The following CRYM variants were observed in gnomAD, a reference collection of about 807,000 sequenced individuals.
The protein encoded by CRYM is crystallin mu.
CRYM carries 18 observed loss-of-function variants against 32.9 expected under a neutral mutation model. The ratio of observed to expected loss-of-function variants is 0.55; its 90% CI spans 0.38 to 0.81. The LOEUF (loss-of-function observed/expected upper bound fraction) is 0.81. Among genes scored for constraint, CRYM ranks in the 30% least tolerant of loss-of-function variants. The probability of loss-of-function intolerance (pLI) is 0.00; values close to 1 mark genes in which losing one functional copy is unlikely to be tolerated. For missense variants in CRYM, 337 were observed against 393.5 expected (o/e 0.86, Z 1.21); for synonymous variants, 153 against 152.4 (o/e 1.00, Z -0.03).
intron 5 of CRYM, 146 bp downstream of exon 5, chr16:21,267,408 T>G: frequency 1.1e-6 from 1 of 880,304 alleles, no homozygotes; most frequent in South Asian, 1.4e-5. Flanking sequence ...AAATATTGTT[T>G]TTTTCAATCT....
rs546237033 is a variant in CRYM at position 21,269,729 on chromosome 16, T to C, written c.489+61A>G. ...AATAACCTGTGGTGCAGTGAAGCAG[T>C]ATAGACAGGTCAAGGACCACCCCCT... On this transcript the variant is annotated intron_variant, in intron 4 of 7. Transcript: ENST00000572914. The C allele has an allele frequency of 2.1e-4, 228 of 1,077,824 alleles. No homozygotes were observed. The African/African-American group carries it at 3.1e-3, about 15-fold the overall frequency. 66.8% of individuals were successfully genotyped at this position (1,077,824 alleles called of 1,614,324 possible).
chr16:21,259,197 C>T (rs560821618), intron 7 of CRYM, among the ~76,000 whole-genome samples: 1 of 151,624 alleles, frequency 6.6e-6, no homozygotes, highest in African/African-American at 2.4e-5. Flanking sequence ...CTCCCAGGAT[C>T]AAGTGATTCT....
chr16:21,295,222 T>C (rs2152865582), intron 1 of CRYM, among the ~76,000 whole-genome samples: 1 of 152,380 alleles, frequency 6.6e-6, no homozygotes, highest in East Asian at 1.9e-4. Context: ...TTTCTGGTTC[T>C]AGATCCTTGA....
intron 3 of CRYM, among the ~76,000 whole-genome samples, chr16:21,271,306 A>G (rs2093374981): frequency 6.6e-6 from 1 of 152,226 alleles, no homozygotes; most frequent in Non-Finnish European, 1.5e-5. Context: ...GCATAGAGGA[A>G]AGACATCACT....
At chr16:21,299,681 C>T (rs1311866831) in intron 1 of CRYM, among the ~76,000 whole-genome samples, 1 of 152,214 alleles carries the variant, frequency 6.6e-6, no homozygotes, top group East Asian at 1.9e-4. Context: ...TACCCTCAAT[C>T]ATTGCTATGA....
In CRYM at chr16:21,277,999, C is replaced by T; in HGVS notation, c.170+83G>A. On this transcript the variant is annotated intron_variant, in intron 1 of 7. Coordinates refer to ENST00000572914, the MANE Select transcript of CRYM (RefSeq NM_001376256.1). This position sits in a 1 kb window ranked among gnomAD's most constrained non-coding sequence, Gnocchi z 4.2. ...AACGGTTAGGCAAGCCGTCTCTTCC[C>T]TTCTCCCACCCCTCCTCTTCCTGCT... The T allele has an allele frequency of 7.6e-6, 11 of 1,447,900 alleles. No individual in the cohort carries two copies. The highest frequency in any genetic ancestry group is 4.0e-5 in the South Asian group (3 of 75,304). The allele number at this position is 1,447,900 out of a possible 1,614,324, so 89.7% of individuals were successfully genotyped here.
chr16:21,284,811 C>A (rs1417271934), intron 1 of CRYM, among the ~76,000 whole-genome samples: 1 of 152,124 alleles, frequency 6.6e-6, no homozygotes, highest in Non-Finnish European at 1.5e-5. Context: ...ATGGGAATGC[C>A]GGGTCAAATG....
At chr16:21,278,585 C>A (rs118043812), upstream of CRYM, 6,633 of 418,772 alleles carry the variant, frequency 0.016, 83 homozygotes, top group Middle Eastern at 0.032. Context: ...TCCTACATAA[C>A]CCCTCCCTAT....
chr16:21,267,531 C>T lies in CRYM; in HGVS notation c.673+23G>A, dbSNP rs578206526. The T allele has an allele frequency of 2.0e-5, 32 of 1,612,474 alleles. No homozygotes were observed. In the South Asian group the frequency reaches 3.1e-4, roughly 16 times the overall value. On this transcript the variant is annotated intron_variant, in intron 5 of 7. Transcript: ENST00000572914. ...AGGAGCCTGGCCACCACCCATCATG[C>T]CTTATGGAGCCACTCTACTTACCAT...
At chr16:21,267,481 T>G in intron 5 of CRYM, 73 bp downstream of exon 5, 2 of 1,487,516 alleles carry the variant, frequency 1.3e-6, no homozygotes, top group African/African-American at 1.4e-5. Flanking sequence ...GCTCTGCAAA[T>G]GTAGTCGACT....
chr16:21,298,795 G>C (rs1443692581), intron 1 of CRYM, among the ~76,000 whole-genome samples: 1 of 152,174 alleles, frequency 6.6e-6, no homozygotes, highest in East Asian at 1.9e-4. Context: ...CTCGATGTTT[G>C]AAATATCTCA....
chr16:21,293,845 A>G (rs904027456), intron 1 of CRYM, among the ~76,000 whole-genome samples: 2 of 152,222 alleles, frequency 1.3e-5, no homozygotes, highest in Non-Finnish European at 2.9e-5. Context: ...ATCACTTGTT[A>G]TTGTTGGTTC....
At chr16:21,296,947 T>C (rs1319010913) in intron 1 of CRYM, among the ~76,000 whole-genome samples, 2 of 151,396 alleles carry the variant, frequency 1.3e-5, no homozygotes, top group South Asian at 4.2e-4. Flanking sequence ...AGGTGGAGCT[T>C]GCAGTGAGCC....
chr16:21,290,589 C>T (rs939562978), intron 1 of CRYM, among the ~76,000 whole-genome samples: 2 of 152,192 alleles, frequency 1.3e-5, no homozygotes, highest in Non-Finnish European at 2.9e-5. Flanking sequence ...TACAAATATG[C>T]TTTTTGCTCA....
At chr16:21,290,341 C>T (rs1960606871) in intron 1 of CRYM, among the ~76,000 whole-genome samples, 1 of 152,080 alleles carries the variant, frequency 6.6e-6, no homozygotes, top group Non-Finnish European at 1.5e-5. Flanking sequence ...GGATGTGCCA[C>T]CTTTAAGAGC....
chr16:21,259,393 C>T (rs2093350309), intron 7 of CRYM, among the ~76,000 whole-genome samples: 1 of 152,098 alleles, frequency 6.6e-6, no homozygotes, highest in Non-Finnish European at 1.5e-5. Context: ...CAGGCATGAG[C>T]CACCACGCCT....
At chr16:21,281,772 A>C (rs1220303846), upstream of CRYM, among the ~76,000 whole-genome samples, 1 of 152,196 alleles carries the variant, frequency 6.6e-6, no homozygotes, top group African/African-American at 2.4e-5. Flanking sequence ...TAATACATTT[A>C]AATGCTGCAA....
intron 3 of CRYM, among the ~76,000 whole-genome samples, chr16:21,273,403 G>A (rs1203395765): frequency 6.6e-6 from 1 of 152,182 alleles, no homozygotes; most frequent in East Asian, 1.9e-4. Context: ...ACTTTGAAGT[G>A]TCTAAACTTT....
At chr16:21,286,196 A>C (rs2093406833) in intron 1 of CRYM, among the ~76,000 whole-genome samples, 1 of 151,792 alleles carries the variant, frequency 6.6e-6, no homozygotes, top group Admixed American at 6.6e-5. Flanking sequence ...CAAATCTCTT[A>C]GAATAGACAT....
Sources: allele counts gnomAD v4.1 joint callset (sites outside exome capture counted in the v4.1 genomes callset), GRCh38; gene constraint gnomAD v4.1.1; non-coding constraint Gnocchi (gnomAD v3.1); transcripts MANE v1.5; gene names NCBI Gene and HGNC (gene_info 2026-07-23, HGNC 2026-07-21).